GASK1A: variants seen among roughly 807,000 people sequenced by gnomAD.
The protein encoded by GASK1A is golgi associated kinase 1A, also known as Golgi-associated kinase 1A.
A neutral mutation model predicts 41.2 loss-of-function variants in GASK1A; 40 were observed. The observed-to-expected ratio is 0.97, with a 90% CI of 0.75 to 1.27. The LOEUF is 1.27. Ranked by LOEUF, GASK1A falls within the 50% of genes most tolerant of loss-of-function variation. GASK1A has a pLI of 0.00. For synonymous variants in GASK1A, 316 were observed against 307.1 expected, an observed-to-expected ratio of 1.03 and a Z score of -0.30; for missense variants, 678 against 745.1, an observed-to-expected ratio of 0.91 and a Z score of 1.05.
intron 1 of GASK1A, among the ~76,000 whole-genome samples, chr3:42,983,808 C>G (rs1160652558): frequency 6.6e-6 from 1 of 152,164 alleles, no homozygotes; most frequent in Non-Finnish European, 1.5e-5. Flanking sequence ...CAGGGCTGGG[C>G]AGGGAGCAGA....
intron 1 of GASK1A, among the ~76,000 whole-genome samples, chr3:43,025,303 G>A (rs2089541684): frequency 6.6e-6 from 1 of 152,166 alleles, no homozygotes; most frequent in African/African-American, 2.4e-5. Context: ...AGACTTAGAT[G>A]TATGGGGCAG....
chr3:43,026,235 A>G (rs1264460985), intron 1 of GASK1A, among the ~76,000 whole-genome samples: 1 of 152,224 alleles, frequency 6.6e-6, no homozygotes, highest in South Asian at 2.1e-4. Flanking sequence ...CCAACAAGCC[A>G]TATTTGCAGG....
rs2089584973 is a variant in GASK1A, at chr3:43,032,897, A to T, written c.634A>T (p.Thr212Ser). The stretch of plus-strand genomic sequence containing the variant: ...GCTGGGAGCTGAGAACAGAGCCTTG[A>T]CTGGTGGGCAACAAGCAGAGGATCC... Reference protein sequence around the residue: ...DLLGAENRALTGGQQAEDPTL... With the variant: ...DLLGAENRALSGGQQAEDPTL... The change falls in exon 2 of 5, where the codon ACT becomes TCT. Residue 212 changes from threonine to serine, a missense_variant. Transcript: ENST00000430121. 6.4e-7 allele frequency: 1 copy of T among 1,551,202 alleles called. No individual in the cohort carries two copies. The highest frequency in any genetic ancestry group is 1.4e-5 in the African/African-American group (1 of 73,036).
intron 1 of GASK1A, among the ~76,000 whole-genome samples, chr3:42,993,623 C>A (rs142887924): frequency 1.3e-5 from 2 of 152,158 alleles, no homozygotes; most frequent in African/African-American, 4.8e-5. Context: ...AGATTCAGAA[C>A]CCCTGCTTCT....
chr3:43,053,944 G>C, intron 3 of GASK1A: 1 of 446,786 alleles, frequency 2.2e-6, no homozygotes, highest in East Asian at 4.8e-5. Context: ...TGGAAGTAGA[G>C]TTTGAGAATG....
intron 2 of GASK1A, among the ~76,000 whole-genome samples, chr3:43,035,367 T>C (rs906867392): frequency 6.6e-6 from 1 of 152,158 alleles, no homozygotes; most frequent in African/African-American, 2.4e-5. Context: ...TCCCAGATCA[T>C]AGGACTTTCA....
intron 1 of GASK1A, among the ~76,000 whole-genome samples, chr3:42,991,589 G>A (rs1306710975): frequency 1.3e-5 from 2 of 152,198 alleles, no homozygotes; most frequent in African/African-American, 2.4e-5. Context: ...TGGAGTACGG[G>A]GGCTGGAGCC....
intron 2 of GASK1A, among the ~76,000 whole-genome samples, chr3:43,053,142 A>G (rs1221513709): frequency 6.6e-6 from 1 of 152,208 alleles, no homozygotes; most frequent in Non-Finnish European, 1.5e-5. Context: ...GGAATCCCTG[A>G]TGTAGCATTT....
At chr3:43,024,609 A>G (rs977391694) in intron 1 of GASK1A, among the ~76,000 whole-genome samples, 1 of 152,144 alleles carries the variant, frequency 6.6e-6, no homozygotes, top group Admixed American at 6.5e-5. Flanking sequence ...TTCCAAACAG[A>G]AAAGAGCCTT....
At chr3:43,006,750 C>T (rs1047942507) in intron 1 of GASK1A, among the ~76,000 whole-genome samples, 31 of 152,142 alleles carry the variant, frequency 2.0e-4, no homozygotes, top group African/African-American at 7.5e-4. Flanking sequence ...GGAGTACAAT[C>T]TCAGGAAACA....
chr3:43,040,727 ATTTTATTATT>A lies in GASK1A; in HGVS notation c.1290+7185_1290+7194del, dbSNP rs1292805026. ...AATGGGATCTTTTTTATTTTATTTT[ATTTTATTATT>A]TTTTATTATTATACTTTAAGTTTTA... is the stretch of plus-strand genomic sequence containing the variant. On this transcript the variant is annotated intron_variant, in intron 2 of 4. Coordinates refer to ENST00000430121, the MANE Select transcript of GASK1A (RefSeq NM_001129908.3). Among the ~76,000 whole-genome samples the A allele has an allele frequency of 2.0e-5, 3 of 151,346 alleles. No individual in the cohort carries two copies. The South Asian group carries it at 6.3e-4, about 32-fold the overall frequency.
At chr3:43,031,660 C>T (rs1559404332) in intron 1 of GASK1A, among the ~76,000 whole-genome samples, 1 of 152,176 alleles carries the variant, frequency 6.6e-6, no homozygotes, top group African/African-American at 2.4e-5. Flanking sequence ...TGTGTGCAAC[C>T]GGCAGGGACG....
At chr3:43,010,754 G>A (rs2125679457) in intron 1 of GASK1A, among the ~76,000 whole-genome samples, 1 of 152,236 alleles carries the variant, frequency 6.6e-6, no homozygotes, top group African/African-American at 2.4e-5. Flanking sequence ...CCCAGCACTA[G>A]CTATTGCCAT....
rs149785800 is a variant in GASK1A at position 42,990,605 on chromosome 3, G to A, written c.3+10960G>A. 2.1e-3 allele frequency among the ~76,000 whole-genome samples: 321 copies of A among 152,322 alleles called. 1 individual carries two copies. The highest frequency in any genetic ancestry group is 7.2e-3 in the African/African-American group (300 of 41,572). On this transcript the variant is annotated intron_variant, in intron 1 of 4. Transcript: ENST00000430121. ...ATACCCTAGGCCCCTCGGGAATTCC[G>A]AGTCTTGGGGAGGATGGGGGGCAGC...
intron 2 of GASK1A, chr3:43,037,539 T>C (rs1271960431): frequency 3.6e-5 from 13 of 360,670 alleles, no homozygotes; most frequent in Non-Finnish European, 6.1e-5. Context: ...TATGTACATT[T>C]TGTCCTTTCT....
chr3:43,045,250 A>C (rs1204225371), intron 2 of GASK1A, among the ~76,000 whole-genome samples: 2 of 152,232 alleles, frequency 1.3e-5, no homozygotes, highest in African/African-American at 4.8e-5. Context: ...TATCCAAGCC[A>C]TGAGGGGTTT....
Position 43,032,311 on chromosome 3 carries a change from G to A in GASK1A, c.48G>A (p.Val16=). 10 of 1,544,568 alleles carry A rather than the reference G, an allele frequency of 6.5e-6. No individual in the cohort carries two copies. The highest frequency in any genetic ancestry group is 8.8e-6 in the Non-Finnish European group (10 of 1,141,566). Residue 16 remains valine (V), a synonymous_variant, in exon 2 of 5, where the codon GTG becomes GTA. Transcript: ENST00000430121. ...AGCTGCGTGGCAAGAGGCGGCCAGT[G>A]ATAGCGTTCTGCCTCTTGATGATCC... ...RRKLRGKRRP[V]IAFCLLMILS...
intron 2 of GASK1A, among the ~76,000 whole-genome samples, chr3:43,043,736 A>G (rs76172328): frequency 0.023 from 3,473 of 152,338 alleles, 54 homozygotes; most frequent in Non-Finnish European, 0.031. Flanking sequence ...TTCAGTCCAC[A>G]TGATTATGTA....
At chr3:43,048,281 C>T (rs966896133) in intron 2 of GASK1A, among the ~76,000 whole-genome samples, 1 of 152,136 alleles carries the variant, frequency 6.6e-6, no homozygotes, top group Admixed American at 6.5e-5. Context: ...CTGTGCTACT[C>T]CGTAACTTGA....
Sources: gnomAD v4.1 joint callset for allele counts (sites outside exome capture counted in the v4.1 genomes callset) on GRCh38, gnomAD v4.1.1 for gene constraint, MANE v1.5 for transcripts, NCBI Gene and HGNC (gene_info 2026-07-23, HGNC 2026-07-21) for gene names.